ENTREP2: variants seen among roughly 807,000 people sequenced by gnomAD.
The protein encoded by ENTREP2 is endosomal transmembrane epsin interactor 2.
At chr15:29,452,158 T>C in the ENTREP2 span, among the ~76,000 whole-genome samples, 7,107 of 152,276 alleles carry the variant, frequency 0.047, 400 homozygotes, top group East Asian at 0.26. Flanking sequence ...ACACACTTTA[T>C]TGACACTAAG....
chr15:29,478,019 A>ATTTTTTTTTTTTTT, the ENTREP2 span, among the ~76,000 whole-genome samples: 1 of 54,284 alleles, frequency 1.8e-5, no homozygotes, highest in African/African-American at 9.0e-5. Flanking sequence ...ATATATATAT[A>ATTTTTTTTTTTTTT]TTTTTTTTTT....
the ENTREP2 span, among the ~76,000 whole-genome samples, chr15:29,534,885 ATGAC>A: frequency 6.6e-6 from 1 of 152,254 alleles, no homozygotes; most frequent in Non-Finnish European, 1.5e-5. Flanking sequence ...TGATAAGTGA[ATGAC>A]TGATACTGTA....
the ENTREP2 span, among the ~76,000 whole-genome samples, chr15:29,553,534 G>T: frequency 1.3e-5 from 2 of 152,048 alleles, no homozygotes; most frequent in East Asian, 1.9e-4. Flanking sequence ...CAAGAGGTAG[G>T]GCCTATGTCC....
At chr15:29,225,999 C>G in the ENTREP2 span, among the ~76,000 whole-genome samples, 1 of 152,190 alleles carries the variant, frequency 6.6e-6, no homozygotes, top group Admixed American at 6.5e-5. Flanking sequence ...CTGACACTGT[C>G]CACCACAGCC....
the ENTREP2 span, among the ~76,000 whole-genome samples, chr15:29,324,106 ATT>A: frequency 1.9e-4 from 29 of 149,986 alleles, no homozygotes; most frequent in South Asian, 4.2e-3. Flanking sequence ...ACATAGTAGA[ATT>A]TTTTTTTTTT....
the ENTREP2 span, chr15:29,196,594 C>G: frequency 6.5e-7 from 1 of 1,534,324 alleles, no homozygotes; most frequent in Admixed American, 2.0e-5. Context: ...CAGACCTCAC[C>G]GTTAACAGGC....
the ENTREP2 span, among the ~76,000 whole-genome samples, chr15:29,207,149 G>C: frequency 2.0e-5 from 3 of 152,216 alleles, no homozygotes; most frequent in East Asian, 5.8e-4. Context: ...TTTGTTCCTG[G>C]AGAGATGCTG....
the ENTREP2 span, among the ~76,000 whole-genome samples, chr15:29,180,860 C>G: frequency 2.0e-5 from 3 of 151,208 alleles, no homozygotes; most frequent in African/African-American, 7.3e-5. Flanking sequence ...TGCAGTTTGC[C>G]TGCTTATATG....
chr15:29,341,846 A>C, the ENTREP2 span, among the ~76,000 whole-genome samples: 1 of 152,226 alleles, frequency 6.6e-6, no homozygotes, highest in South Asian at 2.1e-4. Context: ...GCGCTGGACT[A>C]CAGGATATTG....
chr15:29,312,733 A>G, the ENTREP2 span, among the ~76,000 whole-genome samples: 1 of 152,142 alleles, frequency 6.6e-6, no homozygotes, highest in Non-Finnish European at 1.5e-5. Flanking sequence ...TCCCCTGCCT[A>G]TCTGTTCCCT....
At chr15:29,656,863 C>G in the ENTREP2 span, among the ~76,000 whole-genome samples, 1 of 152,208 alleles carries the variant, frequency 6.6e-6, no homozygotes, top group South Asian at 2.1e-4. Flanking sequence ...CCCAAGTGAA[C>G]TGAAAACTCA....
At chr15:29,517,885 A>G in the ENTREP2 span, among the ~76,000 whole-genome samples, 1 of 152,232 alleles carries the variant, frequency 6.6e-6, no homozygotes. Context: ...TAATTACCAT[A>G]ATCAAGCTAA....
the ENTREP2 span, among the ~76,000 whole-genome samples, chr15:29,408,096 T>C: frequency 1.3e-5 from 2 of 152,206 alleles, no homozygotes; most frequent in African/African-American, 4.8e-5. Flanking sequence ...AGGTTGCAGA[T>C]TATTTTGTCT....
At chr15:29,315,407 A>G in the ENTREP2 span, among the ~76,000 whole-genome samples, 1 of 152,186 alleles carries the variant, frequency 6.6e-6, no homozygotes, top group Non-Finnish European at 1.5e-5. Flanking sequence ...AGAAACAAAC[A>G]CATTTGTCTA....
the ENTREP2 span, among the ~76,000 whole-genome samples, chr15:29,261,493 C>T: frequency 6.6e-6 from 1 of 152,194 alleles, no homozygotes; most frequent in Non-Finnish European, 1.5e-5. Context: ...CTAGCCTGGG[C>T]AACAAGCAAA....
the ENTREP2 span, among the ~76,000 whole-genome samples, chr15:29,308,001 T>C: frequency 5.3e-5 from 8 of 152,218 alleles, no homozygotes; most frequent in Admixed American, 1.3e-4. Flanking sequence ...TGTTGGGTTG[T>C]AATGTCAACA....
the ENTREP2 span, among the ~76,000 whole-genome samples, chr15:29,293,290 C>CG: frequency 2.0e-5 from 3 of 151,928 alleles, no homozygotes; most frequent in African/African-American, 4.8e-5. Context: ...CTCGCTCTGT[C>CG]CCCAGGCTGG....
the ENTREP2 span, among the ~76,000 whole-genome samples, chr15:29,646,008 C>A: frequency 6.6e-6 from 1 of 152,060 alleles, no homozygotes; most frequent in Non-Finnish European, 1.5e-5. Flanking sequence ...GGAAGCAGGG[C>A]AAATGTCAGA....
At chr15:29,219,945 C>T in the ENTREP2 span, among the ~76,000 whole-genome samples, 5 of 151,928 alleles carry the variant, frequency 3.3e-5, no homozygotes, top group Non-Finnish European at 5.9e-5. Context: ...GCACCAAAAT[C>T]TCACAAGTCA....
Sources: gnomAD v4.1 joint callset for allele counts (sites outside exome capture counted in the v4.1 genomes callset) on GRCh38, gnomAD v4.1.1 for gene constraint, MANE v1.5 for transcripts, NCBI Gene and HGNC (gene_info 2026-07-23, HGNC 2026-07-21) for gene names.